The following BCOR variants were observed in gnomAD, a reference collection of about 807,000 sequenced individuals.
BCOR encodes BCL6 corepressor.
In BCOR, 10 loss-of-function variants were observed where a neutral mutation model predicts 86.7. That is an observed-to-expected ratio of 0.12 (90% CI 0.07 to 0.20). BCOR has a LOEUF of 0.20. Ranked by LOEUF, BCOR falls within the 10% of genes least tolerant of loss-of-function variation. BCOR has a pLI of 1.00. For synonymous variants in BCOR, 611 were observed against 609.0 expected, an observed-to-expected ratio of 1.00 and a Z score of -0.05; for missense variants, 1,259 against 1,452.1, an observed-to-expected ratio of 0.87 and a Z score of 2.16.
At chrX:40,104,757 G>A (rs1164715567) in intron 1 of BCOR, among the ~76,000 whole-genome samples, 1 of 113,216 alleles carries the variant, frequency 8.8e-6, no homozygotes, top group African/African-American at 3.2e-5. Context: ...GCCCAGCGGG[G>A]AAACCCCTCC....
At chrX:40,070,163 G>A (rs1293117782) in intron 6 of BCOR, among the ~76,000 whole-genome samples, 2 of 111,831 alleles carry the variant, frequency 1.8e-5, no homozygotes, top group Non-Finnish European at 3.8e-5. Context: ...GTGTCAGGAG[G>A]ACTTTGCACC....
At chrX:40,166,159 G>A (rs1938504814) in intron 1 of BCOR, among the ~76,000 whole-genome samples, 1 of 111,949 alleles carries the variant, frequency 8.9e-6, no homozygotes, top group Non-Finnish European at 1.9e-5. Flanking sequence ...ATCGTAGCTT[G>A]TGATCTCCCA....
chrX:40,176,283 C>T (rs1415651399), intron 1 of BCOR, among the ~76,000 whole-genome samples: 2 of 112,375 alleles, frequency 1.8e-5, no homozygotes, highest in Admixed American at 9.3e-5. Flanking sequence ...GAAAGGGAGG[C>T]TGTTTGTGTG....
chrX:40,117,153 G>A (rs1256311366), intron 1 of BCOR, among the ~76,000 whole-genome samples: 5 of 111,952 alleles, frequency 4.5e-5, no homozygotes, highest in Admixed American at 9.5e-5. Context: ...TCTTCTTTTC[G>A]GCTTCTTCCT....
Position 40,063,623 on chromosome X carries a change from T to C in BCOR, c.3832A>G (p.Ser1278Gly). The C allele has an allele frequency of 8.3e-7, 1 of 1,210,979 alleles. No individual in the cohort carries two copies. Among genetic ancestry groups the C allele is most frequent in the Non-Finnish European group, 1.1e-6 (1 of 894,694 alleles). The change falls in exon 8 of 15, where the codon AGT becomes GGT. Residue 1278 changes from serine (S) to glycine (G), a missense_variant. By Grantham distance (56) the Ser-to-Gly change is moderately conservative (BLOSUM62 0). Around this residue, in one of 7 missense-constraint regions of BCOR, gnomAD observed 305 missense variants for 286.1 expected, o/e 1.07. Coordinates refer to ENST00000378444, the MANE Select transcript of BCOR (RefSeq NM_001123385.2). ...CCCCGCATACCTTGTTCATTGTCAC[T>C]GGGTTTAAGAGACTCTTCCGACCAG... The part of the protein sequence containing the change: ...RSWSEESLKP[S>G]DNEQGLPVFS...
chrX:40,131,493 C>A (rs1937601170), intron 1 of BCOR, among the ~76,000 whole-genome samples: 1 of 111,808 alleles, frequency 8.9e-6, no homozygotes, highest in Admixed American at 9.5e-5. Context: ...ACTAAAAATA[C>A]AAAATTAGCC....
intron 1 of BCOR, among the ~76,000 whole-genome samples, chrX:40,141,276 G>A (rs933313227): frequency 2.7e-5 from 3 of 113,050 alleles, no homozygotes; most frequent in Admixed American, 9.3e-5. Context: ...TTGGCCCACA[G>A]ACTCTGGAAG....
At chrX:40,174,512 C>T (rs1207181036) in intron 1 of BCOR, among the ~76,000 whole-genome samples, 3 of 112,811 alleles carry the variant, frequency 2.7e-5, no homozygotes, top group Non-Finnish European at 5.6e-5. Flanking sequence ...GCAGCCCCCT[C>T]CCCGTACCCA....
chrX:40,052,839 C>T (rs945488025), intron 14 of BCOR, among the ~76,000 whole-genome samples: 3 of 111,565 alleles, frequency 2.7e-5, no homozygotes, highest in East Asian at 5.7e-4. Flanking sequence ...GCTGGGATTA[C>T]GGATGTGAGC....
chrX:40,163,444 C>T (rs2148015123), intron 1 of BCOR, among the ~76,000 whole-genome samples: 1 of 111,128 alleles, frequency 9.0e-6, no homozygotes, highest in South Asian at 3.8e-4. Flanking sequence ...CTCTCTGAGT[C>T]CCCCTGCCCC....
intron 1 of BCOR, among the ~76,000 whole-genome samples, chrX:40,169,016 C>T (rs754177054): frequency 1.4e-3 from 157 of 112,562 alleles, no homozygotes; most frequent in African/African-American, 4.9e-3. Flanking sequence ...AGGGCGAGGC[C>T]GTGCGTCAGG....
chrX:40,125,027 G>T (rs1937523271), intron 1 of BCOR, among the ~76,000 whole-genome samples: 1 of 108,462 alleles, frequency 9.2e-6, no homozygotes, highest in Non-Finnish European at 1.9e-5. Flanking sequence ...TGTGGCGTCG[G>T]GGGGGCGGGT....
intron 6 of BCOR, among the ~76,000 whole-genome samples, chrX:40,066,468 C>T (rs1935206363): frequency 9.0e-6 from 1 of 111,506 alleles, no homozygotes; most frequent in East Asian, 2.8e-4. Flanking sequence ...CCACCTCCCC[C>T]GGTGGGCTTC....
chrX:40,090,465 G>T (rs1936554320), intron 1 of BCOR, among the ~76,000 whole-genome samples: 1 of 112,988 alleles, frequency 8.9e-6, no homozygotes, highest in Admixed American at 9.2e-5. Context: ...GGGCGGGGCG[G>T]GGCGGGGCTG....
intron 1 of BCOR, among the ~76,000 whole-genome samples, chrX:40,135,998 A>G (rs1602254064): frequency 1.8e-5 from 2 of 112,011 alleles, no homozygotes; most frequent in East Asian, 5.6e-4. Flanking sequence ...CCCTGTGTCC[A>G]CACCTTTTAG....
In BCOR at chrX:40,169,776, C is replaced by A. The variant is rs754072134; in HGVS notation, c.-41+7231G>T. On this transcript the variant is annotated intron_variant, in intron 1 of 14. Transcript: ENST00000342274. ...TAAATGAATCACGAGGGGGAAGAAC[C>A]GAGACTGCTGGGCGAGGGAGGCCTC... Among the ~76,000 whole-genome samples the A allele has an allele frequency of 4.5e-5, 5 of 111,345 alleles. No individual in the cohort carries two copies. The South Asian group carries it at 1.9e-3, about 43-fold the overall frequency.
rs1935023187 is a variant in BCOR, at chrX:40,063,650, T to C, written c.3805A>G (p.Ser1269Gly). 1 of 1,210,299 alleles carries C rather than the reference T, an allele frequency of 8.3e-7. No individual in the cohort carries two copies. The highest frequency in any genetic ancestry group is 1.7e-5 in the African/African-American group (1 of 57,294). Reference protein sequence around the residue: ...RKRAEAKGNRSWSEESLKPSD... With the variant: ...RKRAEAKGNRGWSEESLKPSD... ...GGTTTAAGAGACTCTTCCGACCAGC[T>C]TCTGTTGCCTTTGGCCTCTGCCCTT... The change falls in exon 8 of 15, where the codon AGC becomes GGC. Residue 1269 changes from serine (S) to glycine (G), a missense_variant. Ser to Gly is a moderately conservative substitution (Grantham distance 56, BLOSUM62 0). This residue lies in a region of BCOR where 305 missense variants were observed against 286.1 expected (regional missense o/e 1.07). Transcript: ENST00000378444.
At chrX:40,101,425 G>T (rs1937071924), upstream of BCOR, among the ~76,000 whole-genome samples, 1 of 113,153 alleles carries the variant, frequency 8.8e-6, no homozygotes, top group Admixed American at 9.2e-5. Flanking sequence ...GAGAAATAAA[G>T]AAATAGGTGC....
At chrX:40,170,332 C>T (rs190001590) in intron 1 of BCOR, among the ~76,000 whole-genome samples, 6 of 109,007 alleles carry the variant, frequency 5.5e-5, no homozygotes, top group Non-Finnish European at 1.1e-4. Context: ...TTATATTCTT[C>T]TTCCGGTTTT....
Sources: gnomAD v4.1 joint callset for allele counts (sites outside exome capture counted in the v4.1 genomes callset) on GRCh38, gnomAD v4.1.1 for gene constraint, gnomAD v4.1.1 regional missense constraint, MANE v1.5 for transcripts, NCBI Gene and HGNC (gene_info 2026-07-23, HGNC 2026-07-21) for gene names.